EPHA6: variants seen among roughly 807,000 people sequenced by gnomAD.
EPHA6 encodes the protein EPH receptor A6.
In EPHA6, 50 loss-of-function variants were observed where a neutral mutation model predicts 112.0. The observed-to-expected ratio is 0.45, with a 90% confidence interval of 0.36 to 0.56. The LOEUF is 0.56. Ranked by LOEUF, EPHA6 falls within the 20% of genes least tolerant of loss-of-function variation. The pLI, the probability that EPHA6 is intolerant of heterozygous loss-of-function variation, is 0.00. For missense variants in EPHA6, 1,280 were observed against 1,417.4 expected, an observed-to-expected ratio of 0.90 and a Z score of 1.56; for synonymous variants, 529 against 490.7, an observed-to-expected ratio of 1.08 and a Z score of -1.03.
intron 5 of EPHA6, among the ~76,000 whole-genome samples, chr3:97,292,347 C>T (rs1431075054): frequency 1.3e-5 from 2 of 152,240 alleles, no homozygotes; most frequent in South Asian, 4.1e-4. Flanking sequence ...AGTTTCAGCC[C>T]TGTTTATGTT....
At chr3:97,561,047 G>T (rs1175381955) in intron 11 of EPHA6, among the ~76,000 whole-genome samples, 1 of 151,886 alleles carries the variant, frequency 6.6e-6, no homozygotes, top group Non-Finnish European at 1.5e-5. Context: ...AAACTTAATT[G>T]ATCAATGTTG....
chr3:97,247,334 C>G (rs1007704639), intron 5 of EPHA6, among the ~76,000 whole-genome samples: 4 of 151,740 alleles, frequency 2.6e-5, no homozygotes, highest in African/African-American at 9.7e-5. Flanking sequence ...TGATAGTGAG[C>G]CTTTATGTAC....
At chr3:96,958,235 A>G (rs1277187330) in intron 2 of EPHA6, among the ~76,000 whole-genome samples, 1 of 151,380 alleles carries the variant, frequency 6.6e-6, no homozygotes, top group African/African-American at 2.4e-5. Context: ...GGTTGCAGTG[A>G]GCCGGTACCC....
intron 14 of EPHA6, among the ~76,000 whole-genome samples, chr3:97,680,282 T>C (rs1457446703): frequency 6.6e-6 from 1 of 152,108 alleles, no homozygotes; most frequent in African/African-American, 2.4e-5. Flanking sequence ...TAATGTTCAT[T>C]CTCTCATGGC....
chr3:97,067,423 T>A (rs2046210877), intron 3 of EPHA6, among the ~76,000 whole-genome samples: 1 of 151,996 alleles, frequency 6.6e-6, no homozygotes. Flanking sequence ...ATATAAAGAT[T>A]GTAATTGAAA....
chr3:97,422,572 A>C (rs1005707055), intron 6 of EPHA6, among the ~76,000 whole-genome samples: 1 of 152,202 alleles, frequency 6.6e-6, no homozygotes, highest in Admixed American at 6.5e-5. Context: ...TAAAATCAGC[A>C]CTTGACGAAA....
At position 97,483,990 on chromosome 3, in the gene EPHA6, C is replaced by T; in HGVS notation, c.2131C>T (p.Leu711=). Reference sequence around the variant, plus strand: ...TCCAGATACATATGAAGACCCATCCCTAGCAGTCCATGAATTTGCAAAGGA... The same window carrying T: ...TCCAGATACATATGAAGACCCATCCTTAGCAGTCCATGAATTTGCAAAGGA... ...IDPDTYEDPS[L]AVHEFAKEID... is the part of the protein sequence containing the mutation. Residue 711 remains leucine, a synonymous_variant, in exon 10 of 18, where the codon CTA becomes TTA. Coordinates refer to ENST00000389672, the MANE Select transcript of EPHA6 (RefSeq NM_001080448.3). 1.2e-6 allele frequency: 2 copies of T among 1,610,936 alleles called. No homozygotes were observed. The highest frequency in any genetic ancestry group is 1.1e-5 in the South Asian group (1 of 90,184).
At chr3:97,509,897 T>G (rs1227449782) in intron 10 of EPHA6, among the ~76,000 whole-genome samples, 1 of 152,176 alleles carries the variant, frequency 6.6e-6, no homozygotes, top group Non-Finnish European at 1.5e-5. Flanking sequence ...TTTCATTATT[T>G]TTTCTCTAAT....
intron 3 of EPHA6, among the ~76,000 whole-genome samples, chr3:97,206,021 A>G (rs917262644): frequency 6.6e-6 from 1 of 152,116 alleles, no homozygotes; most frequent in Non-Finnish European, 1.5e-5. Context: ...AGATGCATAC[A>G]TCCTGTCCAC....
intron 13 of EPHA6, among the ~76,000 whole-genome samples, chr3:97,630,825 C>G (rs143224390): frequency 6.6e-6 from 1 of 152,096 alleles, no homozygotes; most frequent in African/African-American, 2.4e-5. Flanking sequence ...CTACCTATTT[C>G]GTCATGTCTT....
At chr3:97,111,003 T>G (rs2047707372) in intron 3 of EPHA6, among the ~76,000 whole-genome samples, 1 of 152,132 alleles carries the variant, frequency 6.6e-6, no homozygotes, top group Admixed American at 6.6e-5. Flanking sequence ...GCAATATTTT[T>G]CTTAGAAATT....
At chr3:96,870,707 A>G (rs756267469) in intron 2 of EPHA6, among the ~76,000 whole-genome samples, 18 of 152,114 alleles carry the variant, frequency 1.2e-4, no homozygotes, top group Non-Finnish European at 2.1e-4. Flanking sequence ...TTTTATTTTT[A>G]TAATAAAAGA....
At chr3:97,502,589 C>G (rs955338253) in intron 10 of EPHA6, among the ~76,000 whole-genome samples, 1 of 151,506 alleles carries the variant, frequency 6.6e-6, no homozygotes, top group African/African-American at 2.4e-5. Context: ...AATCCTAGCA[C>G]TTTGGGAGAC....
At chr3:96,819,847 A>G (rs1370789892) in intron 1 of EPHA6, among the ~76,000 whole-genome samples, 1 of 152,084 alleles carries the variant, frequency 6.6e-6, no homozygotes, top group Non-Finnish European at 1.5e-5. Context: ...AAAGAAAGAT[A>G]AGGCATGTGA....
chr3:97,223,071 AAG>A (rs2078253602), intron 3 of EPHA6, among the ~76,000 whole-genome samples: 3 of 152,322 alleles, frequency 2.0e-5, no homozygotes, highest in South Asian at 4.1e-4. Flanking sequence ...AAGCAGGAGA[AAG>A]AGCATGGTAA....
At chr3:97,412,901 C>T (rs2087830903) in intron 6 of EPHA6, among the ~76,000 whole-genome samples, 1 of 151,820 alleles carries the variant, frequency 6.6e-6, no homozygotes, top group Non-Finnish European at 1.5e-5. Context: ...ATGTTATCTG[C>T]AATGGTAAAT....
At chr3:96,976,773 G>T (rs191911168) in intron 2 of EPHA6, among the ~76,000 whole-genome samples, 1 of 152,212 alleles carries the variant, frequency 6.6e-6, no homozygotes, top group Non-Finnish European at 1.5e-5. Flanking sequence ...AGATCTTATG[G>T]TTTATTTCTA....
chr3:96,878,121 TAAG>T (rs1036733301), intron 2 of EPHA6, among the ~76,000 whole-genome samples: 51 of 151,988 alleles, frequency 3.4e-4, no homozygotes, highest in African/African-American at 1.2e-3. Context: ...CCAGTGAAAA[TAAG>T]AAATTCTCAT....
chr3:97,110,730 T>C (rs542304782), intron 3 of EPHA6, among the ~76,000 whole-genome samples: 16 of 152,150 alleles, frequency 1.1e-4, no homozygotes, highest in Middle Eastern at 3.4e-3. Context: ...GATTTCACCA[T>C]GTTGGCCAGG....
Sources: allele counts gnomAD v4.1 joint callset (sites outside exome capture counted in the v4.1 genomes callset), GRCh38; gene constraint gnomAD v4.1.1; transcripts MANE v1.5; gene names NCBI Gene and HGNC (gene_info 2026-07-23, HGNC 2026-07-21).